Variants in ATXN7 observed in about 807,000 individuals in gnomAD.
The protein encoded by ATXN7 is ataxin 7.
Under a neutral mutation model 70.5 loss-of-function variants are expected in ATXN7, and 12 were observed. The ratio of observed to expected loss-of-function variants is 0.17; its 90% CI spans 0.11 to 0.28. The LOEUF is 0.28. ATXN7 is among the 10% of genes least tolerant of loss of function. The pLI is 1.00. For synonymous variants in ATXN7, 498 were observed against 448.7 expected, an observed-to-expected ratio of 1.11 and a Z score of -1.39; for missense variants, 1,256 against 1,131.7, an observed-to-expected ratio of 1.11 and a Z score of -1.58.
At chr3:63,942,736 T>C (rs547902216) in intron 4 of ATXN7, among the ~76,000 whole-genome samples, 2 of 152,334 alleles carry the variant, frequency 1.3e-5, no homozygotes, top group East Asian at 1.9e-4. Context: ...ATGATTGTAA[T>C]AGTATTACAT....
At chr3:63,964,805 T>G (rs1317695271) in intron 5 of ATXN7, among the ~76,000 whole-genome samples, 1 of 152,206 alleles carries the variant, frequency 6.6e-6, no homozygotes, top group Non-Finnish European at 1.5e-5. Context: ...ATGAATTGCT[T>G]GGTATTTCCA....
intron 4 of ATXN7, among the ~76,000 whole-genome samples, chr3:63,919,586 TATC>T (rs1704424859): frequency 6.6e-6 from 1 of 152,132 alleles, no homozygotes; most frequent in East Asian, 1.9e-4. Context: ...TGTCCACTTT[TATC>T]ATTCACTATC....
intron 5 of ATXN7, among the ~76,000 whole-genome samples, chr3:63,954,685 G>A (rs141186752): frequency 8.0e-4 from 121 of 151,302 alleles, no homozygotes; most frequent in African/African-American, 2.7e-3. Context: ...ATCAGTGTAC[G>A]GGTAGGAAAA....
rs1339493289 is a variant in ATXN7, at chr3:63,910,157, TC to T, written c.-11-2427del. 1.5e-4 allele frequency among the ~76,000 whole-genome samples: 23 copies of T among 152,298 alleles called. No individual in the cohort carries two copies. In the South Asian group the frequency reaches 2.3e-3, roughly 15 times the overall value. On this transcript the variant is annotated intron_variant, in intron 2 of 12. Coordinates refer to ENST00000674280, the MANE Select transcript of ATXN7 (RefSeq NM_001377405.1). ...GAAGTACTCTAAATTGCTGCATTGA[TC>T]CCCATTGGCTAGAAGTCATATTAGT...
At position 63,995,805 on chromosome 3, in the gene ATXN7, G is replaced by T. The variant is rs573932432; in HGVS notation, c.1983G>T (p.Ser661=). Residue 661 remains serine, a synonymous_variant, in exon 12 of 13, where the codon TCG becomes TCT. Coordinates refer to ENST00000674280, the MANE Select transcript of ATXN7 (RefSeq NM_001377405.1). ...SSPSTPSGLS[S]VPSSPMSRKP... ...CTTCCACGCCCTCTGGCCTTTCCTC[G>T]GTTCCTTCCTCCCCCATGTCCAGGA... The T allele has an allele frequency of 3.1e-6, 5 of 1,614,024 alleles. No homozygotes were observed. The African/African-American group carries it at 5.3e-5, about 17-fold the overall frequency.
chr3:63,967,572 G>A (rs1339208482), intron 5 of ATXN7, among the ~76,000 whole-genome samples: 1 of 151,934 alleles, frequency 6.6e-6, no homozygotes, highest in Non-Finnish European at 1.5e-5. Flanking sequence ...TCAGTTTAAA[G>A]GTATTCAGAA....
chr3:63,874,665 G>A (rs1453016075), intron 1 of ATXN7, among the ~76,000 whole-genome samples: 1 of 152,138 alleles, frequency 6.6e-6, no homozygotes, highest in African/African-American at 2.4e-5. Flanking sequence ...CTTATTGAGG[G>A]TGGTTCTAGA....
intron 5 of ATXN7, among the ~76,000 whole-genome samples, chr3:63,954,711 G>GTTT (rs375112554): frequency 7.1e-5 from 8 of 112,454 alleles, no homozygotes; most frequent in Admixed American, 1.9e-4. Context: ...TTTTTTTTTT[G>GTTT]TTTTTTTTTT....
At chr3:63,947,314 A>G (rs955809198) in intron 4 of ATXN7, among the ~76,000 whole-genome samples, 2 of 152,154 alleles carry the variant, frequency 1.3e-5, no homozygotes, top group Non-Finnish European at 2.9e-5. Context: ...GGCCAGGCGC[A>G]GTAGCTCACA....
intron 5 of ATXN7, among the ~76,000 whole-genome samples, chr3:63,976,550 C>T (rs2075391379): frequency 6.6e-6 from 1 of 152,178 alleles, no homozygotes; most frequent in Admixed American, 6.5e-5. Context: ...GATACATCAG[C>T]AGACTTTTAA....
chr3:63,890,098 A>G (rs1703210425), intron 1 of ATXN7, among the ~76,000 whole-genome samples: 2 of 152,208 alleles, frequency 1.3e-5, no homozygotes, highest in Non-Finnish European at 1.5e-5. Flanking sequence ...TAACTGCAGT[A>G]TTGAAAAATT....
chr3:63,921,123 A>T (rs904378250), intron 4 of ATXN7, among the ~76,000 whole-genome samples: 2 of 152,238 alleles, frequency 1.3e-5, no homozygotes, highest in African/African-American at 4.8e-5. Flanking sequence ...ATAACGTAAA[A>T]CTAGATTAAG....
intron 4 of ATXN7, among the ~76,000 whole-genome samples, chr3:63,948,380 T>G (rs1304290754): frequency 6.6e-6 from 1 of 152,148 alleles, no homozygotes; most frequent in Non-Finnish European, 1.5e-5. Flanking sequence ...TTGGACATGC[T>G]TGTTCTGTTT....
chr3:63,868,590 G>A (rs765052571), intron 1 of ATXN7, among the ~76,000 whole-genome samples: 2 of 152,134 alleles, frequency 1.3e-5, no homozygotes, highest in African/African-American at 2.4e-5. Flanking sequence ...TTAGGATTGA[G>A]TGGTCCCCAA....
chr3:63,950,751 G>C (rs558464269), intron 4 of ATXN7, among the ~76,000 whole-genome samples: 1 of 152,092 alleles, frequency 6.6e-6, no homozygotes, highest in African/African-American at 2.4e-5. Flanking sequence ...CTCAATGTGG[G>C]CAGGCTTTCA....
At chr3:63,892,405 CACA>C (rs754441713) in intron 1 of ATXN7, among the ~76,000 whole-genome samples, 3 of 150,334 alleles carry the variant, frequency 2.0e-5, no homozygotes, top group Non-Finnish European at 3.0e-5. Flanking sequence ...CACACACACA[CACA>C]CACCCGCCAA....
At chr3:63,934,768 C>T (rs1175247817) in intron 4 of ATXN7, among the ~76,000 whole-genome samples, 1 of 152,186 alleles carries the variant, frequency 6.6e-6, no homozygotes, top group East Asian at 1.9e-4. Context: ...TGAATTGTGT[C>T]TCCCCCATAG....
chr3:63,968,987 T>C (rs2075270146), intron 5 of ATXN7, among the ~76,000 whole-genome samples: 1 of 152,236 alleles, frequency 6.6e-6, no homozygotes, highest in Admixed American at 6.5e-5. Flanking sequence ...TTGATTTTTC[T>C]GAAAACTCTT....
intron 5 of ATXN7, chr3:63,967,781 T>C: frequency 6.8e-7 from 1 of 1,468,454 alleles, no homozygotes. Context: ...GTAATTCAAG[T>C]GCTTTTTACA....
Sources: allele counts gnomAD v4.1 joint callset (sites outside exome capture counted in the v4.1 genomes callset), GRCh38; gene constraint gnomAD v4.1.1; transcripts MANE v1.5; gene names NCBI Gene and HGNC (gene_info 2026-07-23, HGNC 2026-07-21).